PTPRT: variants seen among roughly 807,000 people sequenced by gnomAD.
PTPRT encodes protein tyrosine phosphatase receptor type T, also known as receptor-type tyrosine-protein phosphatase T.
PTPRT carries 56 observed loss-of-function variants against 176.8 expected under a neutral mutation model. That is an observed-to-expected ratio of 0.32 (90% CI 0.26 to 0.40). The LOEUF (loss-of-function observed/expected upper bound fraction) is 0.40, where lower values mean the gene tolerates loss of function less well. PTPRT is among the 10% of genes least tolerant of loss of function. The pLI, the probability that PTPRT is intolerant of heterozygous loss-of-function variation, is 1.00. For synonymous variants in PTPRT, 783 were observed against 739.0 expected (o/e 1.06, Z -0.96); for missense variants, 1,540 against 1,908.2 (o/e 0.81, Z 3.60).
At chr20:42,107,963 G>C (rs1309019185) in intron 23 of PTPRT, among the ~76,000 whole-genome samples, 1 of 152,190 alleles carries the variant, frequency 6.6e-6, no homozygotes, top group Admixed American at 6.5e-5. Context: ...TCTGACTTAA[G>C]TTTGCTTCAG....
At chr20:42,815,132 T>C (rs916843854) in intron 2 of PTPRT, among the ~76,000 whole-genome samples, 3 of 152,168 alleles carry the variant, frequency 2.0e-5, no homozygotes, top group Non-Finnish European at 4.4e-5. Context: ...TCACTGATGT[T>C]TTTGTAGTAG....
At chr20:42,313,430 C>T (rs1486041733) in intron 12 of PTPRT, among the ~76,000 whole-genome samples, 1 of 152,080 alleles carries the variant, frequency 6.6e-6, no homozygotes, top group African/African-American at 2.4e-5. Flanking sequence ...GGACCCCTTT[C>T]CTGTAACAAA....
intron 7 of PTPRT, among the ~76,000 whole-genome samples, chr20:42,539,498 C>T (rs2072539619): frequency 6.6e-6 from 1 of 151,108 alleles, no homozygotes; most frequent in Admixed American, 6.6e-5. Flanking sequence ...TCTAATCTGC[C>T]CTCTCCCCAC....
At chr20:42,128,694 A>C (rs1987975856) in intron 19 of PTPRT, 60 bp downstream of exon 19, 2 of 1,428,094 alleles carry the variant, frequency 1.4e-6, no homozygotes, top group South Asian at 2.9e-5. Context: ...TTTGGGGTAA[A>C]CCACAGATCT....
At chr20:42,425,357 C>T (rs757032301) in intron 9 of PTPRT, among the ~76,000 whole-genome samples, 1 of 152,152 alleles carries the variant, frequency 6.6e-6, no homozygotes, top group African/African-American at 2.4e-5. Flanking sequence ...CCATTCTACT[C>T]GGTGACTTAT....
intron 1 of PTPRT, among the ~76,000 whole-genome samples, chr20:43,185,449 C>G (rs1261708632): frequency 1.3e-5 from 2 of 152,290 alleles, no homozygotes; most frequent in Non-Finnish European, 1.5e-5. Flanking sequence ...AATGTTGTGT[C>G]CTGACGCAAT....
chr20:42,974,291 ATT>A (rs1238802873), intron 1 of PTPRT, among the ~76,000 whole-genome samples: 7 of 152,056 alleles, frequency 4.6e-5, no homozygotes, highest in African/African-American at 1.7e-4. Context: ...ACCTCTAGAT[ATT>A]TTCTTGCCAA....
chr20:42,150,221 C>G (rs537277058), intron 17 of PTPRT, among the ~76,000 whole-genome samples: 1 of 152,224 alleles, frequency 6.6e-6, no homozygotes, highest in South Asian at 2.1e-4. Context: ...GCAGCTCACT[C>G]CCAATTCAAG....
intron 7 of PTPRT, among the ~76,000 whole-genome samples, chr20:42,546,172 T>G (rs938409512): frequency 6.6e-6 from 1 of 152,184 alleles, no homozygotes; most frequent in Non-Finnish European, 1.5e-5. Flanking sequence ...AATTGAGCAA[T>G]GAACGATTCA....
chr20:42,581,756 T>C (rs1379035613), intron 7 of PTPRT, among the ~76,000 whole-genome samples: 2 of 152,146 alleles, frequency 1.3e-5, no homozygotes, highest in Non-Finnish European at 2.9e-5. Flanking sequence ...AAAAGGAAAG[T>C]AATATTTAAA....
At chr20:43,140,408 C>T (rs1600741952) in intron 1 of PTPRT, among the ~76,000 whole-genome samples, 1 of 150,920 alleles carries the variant, frequency 6.6e-6, no homozygotes. Flanking sequence ...AATAGAACTA[C>T]TTTTAGATGG....
At chr20:42,240,413 C>T (rs6072667) in intron 14 of PTPRT, among the ~76,000 whole-genome samples, 23,673 of 152,020 alleles carry the variant, frequency 0.16, 2,171 homozygotes, top group Non-Finnish European at 0.2. Context: ...TGCCTGAAAC[C>T]AAAAATCCTG....
At chr20:42,304,947 C>T (rs553130777) in intron 12 of PTPRT, among the ~76,000 whole-genome samples, 10 of 152,266 alleles carry the variant, frequency 6.6e-5, no homozygotes, top group African/African-American at 2.2e-4. Flanking sequence ...TCCTTGGCTT[C>T]GAGGAAGCTC....
At chr20:42,051,938 C>T in the PTPRT span, among the ~76,000 whole-genome samples, 1 of 152,192 alleles carries the variant, frequency 6.6e-6, no homozygotes, top group African/African-American at 2.4e-5. Flanking sequence ...TCCTGATGAA[C>T]CTGTTTGATC....
intron 9 of PTPRT, among the ~76,000 whole-genome samples, chr20:42,420,926 A>G (rs1041000695): frequency 1.3e-5 from 2 of 152,122 alleles, no homozygotes; most frequent in African/African-American, 4.8e-5. Flanking sequence ...GCACTTCTGA[A>G]CCTTAGGAAA....
At chr20:42,196,692 A>C (rs1459298634) in intron 16 of PTPRT, among the ~76,000 whole-genome samples, 1 of 152,212 alleles carries the variant, frequency 6.6e-6, no homozygotes, top group Non-Finnish European at 1.5e-5. Context: ...CTATGTCAAC[A>C]ACCAATTTCC....
the PTPRT span, among the ~76,000 whole-genome samples, chr20:42,049,386 T>C: frequency 6.6e-6 from 1 of 152,240 alleles, no homozygotes; most frequent in Non-Finnish European, 1.5e-5. Context: ...AAAAGGAAAG[T>C]GCTACATGGG....
intron 2 of PTPRT, among the ~76,000 whole-genome samples, chr20:42,856,174 T>A (rs992967300): frequency 2.4e-4 from 36 of 152,092 alleles, no homozygotes; most frequent in Admixed American, 1.8e-3. Context: ...TAGAGACAGA[T>A]TAGAGACAAA....
chr20:43,137,445 C>T (rs957187816), intron 1 of PTPRT, among the ~76,000 whole-genome samples: 6 of 152,310 alleles, frequency 3.9e-5, no homozygotes, highest in East Asian at 1.9e-4. Context: ...ACAGGCCATA[C>T]GAACTGCAAG....
Sources: allele counts gnomAD v4.1 joint callset (sites outside exome capture counted in the v4.1 genomes callset), GRCh38; gene constraint gnomAD v4.1.1; transcripts MANE v1.5; gene names NCBI Gene and HGNC (gene_info 2026-07-23, HGNC 2026-07-21).